Variants in PFKM observed in about 807,000 individuals in gnomAD.
PFKM encodes phosphofructokinase, muscle.
In PFKM, 58 loss-of-function variants were observed where a neutral mutation model predicts 95.5. The ratio of observed to expected loss-of-function variants is 0.61; its 90% CI spans 0.49 to 0.76. PFKM has a LOEUF of 0.76. PFKM is among the 30% of genes least tolerant of loss of function. The pLI is 0.00. For missense variants in PFKM, 678 were observed against 1,005.4 expected, an observed-to-expected ratio of 0.67 and a Z score of 4.40; for synonymous variants, 336 against 357.2, an observed-to-expected ratio of 0.94 and a Z score of 0.67.
chr12:48,134,147 A>G (rs1949814425), intron 6 of PFKM, 85 bp from the exon 7 acceptor site: 1 of 1,080,672 alleles, frequency 9.3e-7, no homozygotes, highest in Non-Finnish European at 1.4e-6. Flanking sequence ...TATCTCCCAG[A>G]GAGGGTAATT....
rs866338744 is a variant in PFKM, at chr12:48,134,174, G to A, written c.594-58G>A. 18 of 1,442,466 alleles carry A rather than the reference G, an allele frequency of 1.2e-5. No individual in the cohort carries two copies. The African/African-American group carries it at 2.2e-4, about 18-fold the overall frequency. The allele number at this position is 1,442,466 out of a possible 1,614,324, so 89.4% of individuals were successfully genotyped here. ...AGGGTAATTGGCCTAGATGTGGGTG[G>A]TGGCTTGATCTTGGCCATAGGGTCA... On this transcript the variant is annotated intron_variant, in intron 6 of 22. Transcript: ENST00000359794.
chr12:48,127,920 A>G (rs1949024989), intron 2 of PFKM, among the ~76,000 whole-genome samples: 2 of 152,316 alleles, frequency 1.3e-5, no homozygotes, highest in Non-Finnish European at 2.9e-5. Context: ...CCCATCACCC[A>G]TGGATCCCTG....
At chr12:48,124,667 A>G (rs912171320) in intron 2 of PFKM, among the ~76,000 whole-genome samples, 1 of 152,186 alleles carries the variant, frequency 6.6e-6, no homozygotes, top group African/African-American at 2.4e-5. Context: ...CAGGGACTAT[A>G]GATAAGCTGA....
chr12:48,132,466 A>G (rs1949609046), intron 4 of PFKM, among the ~76,000 whole-genome samples: 1 of 152,258 alleles, frequency 6.6e-6, no homozygotes. Context: ...TGAACTCCTA[A>G]TAATAATTTG....
chr12:48,105,723 G>A (rs951864737), upstream of PFKM: 3 of 507,706 alleles, frequency 5.9e-6, no homozygotes, highest in Non-Finnish European at 1.1e-5. Context: ...CCCAAGTACG[G>A]CTGGGCGCTG....
chr12:48,113,885 T>C (rs2158515), intron 3 of PFKM, among the ~76,000 whole-genome samples: 79,271 of 151,884 alleles, frequency 0.52, 21,058 homozygotes, highest in East Asian at 0.84. Flanking sequence ...CCTTCTGGCC[T>C]CTCTGGGTCT....
At chr12:48,131,537 T>G in intron 4 of PFKM, 144 bp downstream of exon 4, 1 of 713,714 alleles carries the variant, frequency 1.4e-6, no homozygotes, top group Non-Finnish European at 2.5e-6. Context: ...CTATTTGCCC[T>G]TTACTCTTAG....
In PFKM at chr12:48,137,819, C is replaced by A; in HGVS notation, c.1035C>A (p.Arg345=). 1 of 1,614,152 alleles carries A rather than the reference C, an allele frequency of 6.2e-7. No homozygotes were observed. The highest frequency in any genetic ancestry group is 8.5e-7 in the Non-Finnish European group (1 of 1,179,998). The change falls in exon 11 of 23, where the codon CGC becomes CGA. Residue 345 remains arginine (R), a synonymous_variant. Coordinates refer to ENST00000359794, the MANE Select transcript of PFKM (RefSeq NM_000289.6). ...GCCTCTCTGGTAACCAGGCTGTGCG[C>A]CTGCCCCTCATGGAATGTGTCCAGG... ...VVSLSGNQAV[R]LPLMECVQVT... is the part of the protein sequence containing the mutation.
chr12:48,145,148 G>C lies in PFKM; in HGVS notation c.2092+18G>C, dbSNP rs747272882. On this transcript the variant is annotated intron_variant, in intron 21 of 22. Transcript: ENST00000359794. This position sits in a 1 kb window ranked among gnomAD's most constrained non-coding sequence, Gnocchi z 4.3. ...CCGTAATGGTAGGTGGGGTGAGAGCGAGTGCCCTCTATAGAGGCTGGTTCC... is the reference window on the plus strand; with the variant it reads ...CCGTAATGGTAGGTGGGGTGAGAGCCAGTGCCCTCTATAGAGGCTGGTTCC... 2 of 1,610,262 alleles carry C rather than the reference G, an allele frequency of 1.2e-6. No individual in the cohort carries two copies. The highest frequency in any genetic ancestry group is 1.7e-6 in the Non-Finnish European group (2 of 1,176,538).
intron 1 of PFKM, among the ~76,000 whole-genome samples, chr12:48,120,412 T>C (rs2137796455): frequency 6.6e-6 from 1 of 152,340 alleles, no homozygotes; most frequent in East Asian, 1.9e-4. Flanking sequence ...GCATAGACTT[T>C]GCAAGTCTTT....
In PFKM at chr12:48,143,098, CT is replaced by C. The variant is rs60344827; in HGVS notation, c.1818+153del. On this transcript the variant is annotated intron_variant, in intron 18 of 22. Transcript: ENST00000359794. Reference sequence around the variant, plus strand: ...AGAAAGAGCACTATGCAGGCATTCTCTGGTGTCACCTCATATGCATGACCGC... The same window carrying C: ...AGAAAGAGCACTATGCAGGCATTCTCGGTGTCACCTCATATGCATGACCGC... 5.9e-3 allele frequency: 4,524 copies of C among 761,506 alleles called. 141 individuals are homozygous for C. The African/African-American group carries it at 0.065, about 11-fold the overall frequency. 47.2% of individuals were successfully genotyped at this position (761,506 alleles called of 1,614,324 possible).
chr12:48,119,272 TTGGGAAGCCTC>T (rs1433278965), upstream of PFKM: 7 of 984,226 alleles, frequency 7.1e-6, no homozygotes, highest in Non-Finnish European at 4.8e-6. Context: ...TTAGTGGAGG[TTGGGAAGCCTC>T]TCCTCCTTCC....
At position 48,145,552 on chromosome 12, in the gene PFKM, A is replaced by G. The variant is rs202008060; in HGVS notation, c.2199-12A>G. On this transcript the variant is annotated splice_polypyrimidine_tract_variant and intron_variant, in intron 22 of 22. Coordinates refer to ENST00000359794, the MANE Select transcript of PFKM (RefSeq NM_000289.6). This position sits in a 1 kb window ranked among gnomAD's most constrained non-coding sequence, Gnocchi z 4.3. ...AAAAGATTATATCATCATCTACCTC[A>G]TTCCTCTGTAGGCATCGAATCCCCA... 3.1e-3 allele frequency: 4,936 copies of G among 1,613,974 alleles called. 11 individuals carry two copies. Among genetic ancestry groups the G allele is most frequent in the Non-Finnish European group, 4.0e-3 (4,676 of 1,179,884 alleles).
At chr12:48,105,982 G>A (rs1946542618) in exon 1 of PFKM, 1 of 699,994 alleles carries the variant, frequency 1.4e-6, no homozygotes, top group South Asian at 1.5e-5. Flanking sequence ...CCTGGACCAG[G>A]CTCCCTCCAT....
chr12:48,145,226 T>C lies in PFKM; in HGVS notation c.2109T>C (p.Asn703=). ...ESYRNGRIFA[N]TPDSGCVLGM... ...TCATTGCAGGGCGGATCTTTGCCAA[T>C]ACTCCAGATTCGGGCTGTGTTCTGG... Residue 703 remains asparagine (N), a synonymous_variant, in exon 22 of 23, where the codon AAT becomes AAC. Coordinates refer to ENST00000359794, the MANE Select transcript of PFKM (RefSeq NM_000289.6). This position sits in a 1 kb window ranked among gnomAD's most constrained non-coding sequence, Gnocchi z 4.3. 2 of 1,614,102 alleles carry C rather than the reference T, an allele frequency of 1.2e-6. No individual in the cohort carries two copies. The highest frequency in any genetic ancestry group is 1.7e-5 in the Admixed American group (1 of 60,010).
At position 48,134,902 on chromosome 12, in the gene PFKM, G is replaced by C. The variant is rs74518025; in HGVS notation, c.748-41G>C. 194 of 1,597,512 alleles carry C rather than the reference G, an allele frequency of 1.2e-4. No individual in the cohort carries two copies. The African/African-American group carries it at 2.4e-3, about 20-fold the overall frequency. On this transcript the variant is annotated intron_variant, in intron 8 of 22. Coordinates refer to ENST00000359794, the MANE Select transcript of PFKM (RefSeq NM_000289.6). Reference sequence around the variant, plus strand: ...CTGATGATCTCTTTCCCACCCATCAGCTTCATTCCATGGACCATTTTACCC... The same window carrying C: ...CTGATGATCTCTTTCCCACCCATCACCTTCATTCCATGGACCATTTTACCC...
At chr12:48,135,184 A>G in intron 9 of PFKM, 107 bp from the exon 10 acceptor site, 1 of 1,177,128 alleles carries the variant, frequency 8.5e-7, no homozygotes, top group Non-Finnish European at 1.3e-6. Flanking sequence ...ACAAAGAACC[A>G]TTACAAGACA....
intron 11 of PFKM, among the ~76,000 whole-genome samples, chr12:48,138,190 A>C (rs1950267682): frequency 6.6e-6 from 1 of 152,190 alleles, no homozygotes. Context: ...AGAACAGGAG[A>C]ATATTATTAA....
At position 48,145,488 on chromosome 12, in the gene PFKM, T is replaced by C; in HGVS notation, c.2199-76T>C. 6.4e-7 allele frequency: 1 copy of C among 1,570,398 alleles called. No homozygotes were observed. Among genetic ancestry groups the C allele is most frequent in the Non-Finnish European group, 8.8e-7 (1 of 1,141,708 alleles). On this transcript the variant is annotated intron_variant, in intron 22 of 22. Transcript: ENST00000359794. This position sits in a 1 kb window ranked among gnomAD's most constrained non-coding sequence, Gnocchi z 4.3. Reference sequence around the variant, plus strand: ...TAAATCTAACCTCTTCTGTCTAACTTCTTCCTATAAACCTTTGGTAGAAGT... The same window carrying C: ...TAAATCTAACCTCTTCTGTCTAACTCCTTCCTATAAACCTTTGGTAGAAGT...
Sources: allele counts gnomAD v4.1 joint callset (sites outside exome capture counted in the v4.1 genomes callset), GRCh38; gene constraint gnomAD v4.1.1; non-coding constraint Gnocchi (gnomAD v3.1); transcripts MANE v1.5; gene names NCBI Gene and HGNC (gene_info 2026-07-23, HGNC 2026-07-21).